MSRB3: variants seen among roughly 807,000 people sequenced by gnomAD.
MSRB3 encodes the protein methionine sulfoxide reductase B3.
MSRB3 carries 13 observed loss-of-function variants against 21.0 expected under a neutral mutation model. The observed-to-expected ratio is 0.62, with a 90% CI of 0.40 to 0.98. The LOEUF (loss-of-function observed/expected upper bound fraction) is 0.98. Among genes scored for constraint, MSRB3 ranks in the 50% least tolerant of loss-of-function variants. The pLI is 0.00. For synonymous variants in MSRB3, 87 were observed against 88.6 expected (o/e 0.98, Z 0.10); for missense variants, 199 against 230.3 (o/e 0.86, Z 0.88).
intron 5 of MSRB3, among the ~76,000 whole-genome samples, chr12:65,425,875 G>A (rs941312248): frequency 6.6e-6 from 1 of 151,968 alleles, no homozygotes; most frequent in African/African-American, 2.4e-5. Context: ...TTAGTTTTTT[G>A]AGATGGAGTC....
chr12:65,401,835 G>C (rs1380343675), intron 5 of MSRB3, among the ~76,000 whole-genome samples: 2 of 152,166 alleles, frequency 1.3e-5, no homozygotes, highest in Non-Finnish European at 2.9e-5. Context: ...GAATTTGCTT[G>C]TCTGTAGAGG....
chr12:65,412,350 C>T (rs1240911310), intron 5 of MSRB3, among the ~76,000 whole-genome samples: 1 of 152,154 alleles, frequency 6.6e-6, no homozygotes, highest in Non-Finnish European at 1.5e-5. Context: ...CTTTATTTCT[C>T]CTTCACCTAT....
At chr12:65,405,537 GCTGTAGTGTACCTAGAGGTGCAA>G (rs1348685520) in intron 5 of MSRB3, among the ~76,000 whole-genome samples, 1 of 151,854 alleles carries the variant, frequency 6.6e-6, no homozygotes, top group African/African-American at 2.4e-5. Flanking sequence ...TATGAGTAAT[GCTGTAGTGTACCTAGAGGTGCAA>G]CTATCTCTTC....
intron 1 of MSRB3, among the ~76,000 whole-genome samples, chr12:65,304,104 A>G (rs1177249693): frequency 2.6e-5 from 4 of 152,170 alleles, no homozygotes; most frequent in Non-Finnish European, 5.9e-5. Flanking sequence ...GATAGGACAG[A>G]AAGGGGTTTT....
intron 5 of MSRB3, among the ~76,000 whole-genome samples, chr12:65,449,287 C>A (rs1407925439): frequency 3.3e-5 from 5 of 151,750 alleles, no homozygotes; most frequent in South Asian, 2.1e-4. Flanking sequence ...TCCACCCCCC[C>A]AGAGTGAATA....
chr12:65,307,901 T>G (rs1017699209), intron 1 of MSRB3, among the ~76,000 whole-genome samples: 1 of 152,322 alleles, frequency 6.6e-6, no homozygotes, highest in East Asian at 1.9e-4. Context: ...GTCCTTAGGT[T>G]TTCTGGGTCT....
At chr12:65,355,621 G>A (rs1877336887) in intron 4 of MSRB3, among the ~76,000 whole-genome samples, 1 of 151,590 alleles carries the variant, frequency 6.6e-6, no homozygotes, top group Non-Finnish European at 1.5e-5. Context: ...CTGGAGATTT[G>A]CACATTTTAC....
intron 5 of MSRB3, among the ~76,000 whole-genome samples, chr12:65,433,656 C>T (rs1881987113): frequency 1.3e-5 from 2 of 151,918 alleles, no homozygotes; most frequent in Admixed American, 1.3e-4. Context: ...ATATTGATAG[C>T]TTTCCTAGCT....
chr12:65,349,595 G>A (rs915233820), intron 4 of MSRB3, among the ~76,000 whole-genome samples: 9 of 147,320 alleles, frequency 6.1e-5, no homozygotes, highest in Admixed American at 1.3e-4. Flanking sequence ...TTTAATGATT[G>A]CCATTCTAAC....
chr12:65,436,568 G>T (rs1203045424), intron 5 of MSRB3, among the ~76,000 whole-genome samples: 1 of 151,692 alleles, frequency 6.6e-6, no homozygotes, highest in Admixed American at 6.6e-5. Flanking sequence ...ACCCTGATTT[G>T]GGTGTTATAG....
intron 5 of MSRB3, among the ~76,000 whole-genome samples, chr12:65,403,585 G>A (rs903376363): frequency 6.6e-6 from 1 of 152,116 alleles, no homozygotes; most frequent in African/African-American, 2.4e-5. Context: ...TTGGCTTCCT[G>A]GCTTCAGCCC....
At chr12:65,324,590 A>G (rs758505684) in intron 2 of MSRB3, among the ~76,000 whole-genome samples, 10 of 152,204 alleles carry the variant, frequency 6.6e-5, no homozygotes, top group Non-Finnish European at 1.3e-4. Flanking sequence ...AATACTTGAC[A>G]TGGTTCATCA....
chr12:65,381,570 T>C (rs1878939791), intron 5 of MSRB3, among the ~76,000 whole-genome samples: 1 of 152,136 alleles, frequency 6.6e-6, no homozygotes, highest in Admixed American at 6.6e-5. Flanking sequence ...GCTTATAGTA[T>C]CAAAATATTC....
chr12:65,415,680 T>C (rs777556106), intron 5 of MSRB3, among the ~76,000 whole-genome samples: 66 of 152,288 alleles, frequency 4.3e-4, no homozygotes, highest in Non-Finnish European at 4.3e-4. Flanking sequence ...ACTGGTAAAA[T>C]ATAAGGTTGT....
chr12:65,333,203 TA>T (rs1349651100), intron 4 of MSRB3, among the ~76,000 whole-genome samples: 1 of 152,358 alleles, frequency 6.6e-6, no homozygotes, highest in Non-Finnish European at 1.5e-5. Flanking sequence ...ATTTATGAAA[TA>T]TTTTTTTCCT....
At chr12:65,417,712 T>C (rs1327059405) in intron 5 of MSRB3, among the ~76,000 whole-genome samples, 1 of 152,206 alleles carries the variant, frequency 6.6e-6, no homozygotes, top group Non-Finnish European at 1.5e-5. Flanking sequence ...TTAGATTCCA[T>C]ATATAAGTTA....
chr12:65,313,739 C>T (rs1874127921), intron 2 of MSRB3, among the ~76,000 whole-genome samples: 1 of 152,126 alleles, frequency 6.6e-6, no homozygotes. Flanking sequence ...CATTCTTACC[C>T]AACATCTGAC....
chr12:65,407,335 T>C (rs897615850), intron 5 of MSRB3, among the ~76,000 whole-genome samples: 1 of 145,366 alleles, frequency 6.9e-6, no homozygotes, highest in Non-Finnish European at 1.5e-5. Context: ...TCTGTCCTGG[T>C]ATGTTTTTTT....
chr12:65,394,710 A>T (rs1428587096), intron 5 of MSRB3, among the ~76,000 whole-genome samples: 3 of 152,226 alleles, frequency 2.0e-5, no homozygotes, highest in Admixed American at 2.0e-4. Context: ...TAGCAAACCA[A>T]ATACAGCAAC....
Sources: gnomAD v4.1 joint callset for allele counts (sites outside exome capture counted in the v4.1 genomes callset) on GRCh38, gnomAD v4.1.1 for gene constraint, MANE v1.5 for transcripts, NCBI Gene and HGNC (gene_info 2026-07-23, HGNC 2026-07-21) for gene names.